ZBTB43: variants seen among roughly 807,000 people sequenced by gnomAD.
ZBTB43 encodes zinc finger and BTB domain containing 43, also known as zinc finger and BTB domain-containing protein 43.
In ZBTB43, 6 loss-of-function variants were observed where a neutral mutation model predicts 31.1. The ratio of observed to expected loss-of-function variants is 0.19; its 90% CI spans 0.11 to 0.38. The LOEUF (loss-of-function observed/expected upper bound fraction) is 0.38, where lower values mean the gene tolerates loss of function less well. Among genes scored for constraint, ZBTB43 ranks in the 10% least tolerant of loss-of-function variants. The pLI is 1.00. For synonymous variants in ZBTB43, 212 were observed against 221.7 expected (o/e 0.96, Z 0.39); for missense variants, 379 against 602.1 (o/e 0.63, Z 3.88).
chr9:126,810,636 G>A (rs2032226352), intron 2 of ZBTB43, among the ~76,000 whole-genome samples: 1 of 151,716 alleles, frequency 6.6e-6, no homozygotes, highest in Non-Finnish European at 1.5e-5. Flanking sequence ...AGGTAGCTGG[G>A]ACTACAGGCA....
At chr9:126,825,122 G>C (rs2032602511) in intron 2 of ZBTB43, among the ~76,000 whole-genome samples, 1 of 151,782 alleles carries the variant, frequency 6.6e-6, no homozygotes, top group South Asian at 2.1e-4. Context: ...TGTATTTTTG[G>C]TAGAGACAGG....
rs1554742722 is a variant in ZBTB43, at chr9:126,828,648, A to ATTATTATTATT, written c.-23-3839_-23-3838insTTATTATTATT. Among the ~76,000 whole-genome samples the ATTATTATTATT allele has an allele frequency of 7.5e-3, 1,001 of 133,636 alleles. 13 individuals carry two copies. Among genetic ancestry groups the ATTATTATTATT allele is most frequent in the African/African-American group, 0.028 (920 of 33,316 alleles). The allele number at this position is 133,636 out of a possible 152,430, so 87.7% of individuals were successfully genotyped here. The stretch of plus-strand genomic sequence containing the variant: ...ATCTCTAAATAATAATAATAATAAT[A>ATTATTATTATT]ATAATAATTATTATTATTATTATTA... On this transcript the variant is annotated intron_variant, in intron 2 of 2. Coordinates refer to ENST00000373464, the MANE Select transcript of ZBTB43 (RefSeq NM_014007.4).
rs1223997366 is a variant in ZBTB43, at chr9:126,836,110, T to A, written c.*2197T>A. 2.4e-5 allele frequency: 4 copies of A among 167,082 alleles called. No individual in the cohort carries two copies. The highest frequency in any genetic ancestry group is 7.2e-5 in the African/African-American group (3 of 41,428). The allele number at this position is 167,082 out of a possible 1,614,324, so 10.3% of individuals were successfully genotyped here. A position where few individuals can be genotyped will look rare whatever the true frequency, so the allele number is the denominator to read the frequency against. ...TTCTCATTGAAGACTATTTACATGA[T>A]CATTAGGACATTGCAGGAGAAGTCT... On this transcript the variant is annotated 3_prime_UTR_variant, in exon 3 of 3. Coordinates refer to ENST00000373464, the MANE Select transcript of ZBTB43 (RefSeq NM_014007.4).
intron 2 of ZBTB43, among the ~76,000 whole-genome samples, chr9:126,820,884 C>G (rs530361785): frequency 6.9e-6 from 1 of 145,320 alleles, no homozygotes; most frequent in African/African-American, 2.5e-5. Context: ...GGGAGGATCA[C>G]GTGAGCCAGA....
chr9:126,826,205 G>C (rs1376249437), intron 2 of ZBTB43, among the ~76,000 whole-genome samples: 1 of 151,396 alleles, frequency 6.6e-6, no homozygotes, highest in African/African-American at 2.4e-5. Flanking sequence ...GTAGAGATGG[G>C]GTTTCACCAT....
intron 2 of ZBTB43, among the ~76,000 whole-genome samples, chr9:126,810,509 T>TC (rs974133042): frequency 6.9e-6 from 1 of 145,396 alleles, no homozygotes; most frequent in African/African-American, 2.5e-5. Flanking sequence ...TTTTTTTTTT[T>TC]TTTTTTTTTT....
Position 126,832,629 on chromosome 9 carries a change from A to G in ZBTB43, c.120A>G (p.Gln40=). 6.2e-7 allele frequency: 1 copy of G among 1,614,172 alleles called. No individual in the cohort carries two copies. Among genetic ancestry groups the G allele is most frequent in the Non-Finnish European group, 8.5e-7 (1 of 1,180,038 alleles). Residue 40 remains glutamine, a synonymous_variant, in exon 3 of 3, where the codon CAA becomes CAG. Transcript: ENST00000373464. The stretch of plus-strand genomic sequence containing the variant: ...TATGTGACGTCTCCATTGTTGTCCA[A>G]GGCCACATTTTCCGGGCACACAAAG... ...GQLCDVSIVV[Q]GHIFRAHKAV...
chr9:126,821,962 A>G (rs2032520560), intron 2 of ZBTB43, among the ~76,000 whole-genome samples: 1 of 152,054 alleles, frequency 6.6e-6, no homozygotes, highest in South Asian at 2.1e-4. Context: ...TCCTGGGTTC[A>G]AGCAGTTCTC....
At chr9:126,830,774 G>A (rs1180240565) in intron 2 of ZBTB43, among the ~76,000 whole-genome samples, 2 of 151,856 alleles carry the variant, frequency 1.3e-5, no homozygotes, top group Admixed American at 6.6e-5. Flanking sequence ...GAATTTGGGG[G>A]AATTACAGAG....
chr9:126,807,183 A>T (rs571367052), intron 1 of ZBTB43, among the ~76,000 whole-genome samples: 4 of 152,206 alleles, frequency 2.6e-5, no homozygotes, highest in Non-Finnish European at 5.9e-5. Context: ...CTGTTATTTC[A>T]TGTACCACCA....
chr9:126,829,740 T>A (rs1331119876), intron 2 of ZBTB43, among the ~76,000 whole-genome samples: 2 of 152,078 alleles, frequency 1.3e-5, no homozygotes, highest in Non-Finnish European at 2.9e-5. Context: ...CATGTGCATG[T>A]GTTATATCCC....
chr9:126,832,498 AT>A lies in ZBTB43; in HGVS notation c.-9del. ...TCTTTCTCTTGTAGCACCGAACAAGATTTGTGATGAAATGGAGCCTGGAACA... is the reference window on the plus strand; with the variant it reads ...TCTTTCTCTTGTAGCACCGAACAAGATTGTGATGAAATGGAGCCTGGAACA... On this transcript the variant is annotated 5_prime_UTR_variant, in exon 3 of 3. The change abolishes the stop of an existing upstream ORF in the 5' untranslated region. Coordinates refer to ENST00000373464, the MANE Select transcript of ZBTB43 (RefSeq NM_014007.4). 6.3e-7 allele frequency: 1 copy of A among 1,595,820 alleles called. No individual in the cohort carries two copies. Among genetic ancestry groups the A allele is most frequent in the East Asian group, 2.2e-5 (1 of 44,464 alleles).
At chr9:126,832,347 G>A (rs1047466160) in intron 2 of ZBTB43, 140 bp from the exon 3 acceptor site, 2 of 754,616 alleles carry the variant, frequency 2.7e-6, no homozygotes, top group Non-Finnish European at 4.2e-6. Context: ...CTTTGCTCTA[G>A]GGATTGAATC....
Position 126,806,241 on chromosome 9 carries a change from G to A in ZBTB43, c.-147+1109G>A, listed in dbSNP as rs567394187. The stretch of plus-strand genomic sequence containing the variant: ...AAAGGATCAGACTGAGGTCTTTGGG[G>A]CTACTGGAACAGTAGCAGGGTTTCT... On this transcript the variant is annotated intron_variant, in intron 1 of 2. Coordinates refer to ENST00000373464, the MANE Select transcript of ZBTB43 (RefSeq NM_014007.4). 3.3e-5 allele frequency among the ~76,000 whole-genome samples: 5 copies of A among 152,326 alleles called. No homozygotes were observed. The East Asian group carries it at 9.6e-4, about 29-fold the overall frequency.
intron 2 of ZBTB43, 36 bp from the exon 3 acceptor site, chr9:126,832,451 G>C: frequency 6.5e-7 from 1 of 1,534,032 alleles, no homozygotes; most frequent in Non-Finnish European, 8.8e-7. Context: ...TTTATCTTTG[G>C]GCTGGAATTT....
At chr9:126,821,673 G>A (rs1221656264) in intron 2 of ZBTB43, among the ~76,000 whole-genome samples, 1 of 152,182 alleles carries the variant, frequency 6.6e-6, no homozygotes, top group Non-Finnish European at 1.5e-5. Context: ...TGCTTCTTAG[G>A]GATGAGCAAA....
chr9:126,822,972 C>T (rs994773992), intron 2 of ZBTB43, among the ~76,000 whole-genome samples: 7 of 151,892 alleles, frequency 4.6e-5, no homozygotes, highest in Admixed American at 2.6e-4. Flanking sequence ...TAATAGACTA[C>T]AGTATGGTGT....
intron 2 of ZBTB43, among the ~76,000 whole-genome samples, chr9:126,822,396 A>G (rs956810030): frequency 1.3e-5 from 2 of 152,170 alleles, no homozygotes; most frequent in African/African-American, 2.4e-5. Flanking sequence ...CTACAGAGAA[A>G]TCTTTTGTGA....
rs2032090337 is a variant in ZBTB43 at position 126,805,043 on chromosome 9, T to C, written c.-236T>C. On this transcript the variant is annotated 5_prime_UTR_variant, in exon 1 of 3. Coordinates refer to ENST00000373464, the MANE Select transcript of ZBTB43 (RefSeq NM_014007.4). ...CCGGGGGCTGAAGGCACAGGCTGAATCTGTTGCGGCAGCTGAGGCTACAAC... is the reference window on the plus strand; with the variant it reads ...CCGGGGGCTGAAGGCACAGGCTGAACCTGTTGCGGCAGCTGAGGCTACAAC... 6.6e-6 allele frequency: 1 copy of C among 152,398 alleles called. No individual in the cohort carries two copies. Among genetic ancestry groups the C allele is most frequent in the African/African-American group, 2.4e-5 (1 of 41,474 alleles). 9.4% of individuals were successfully genotyped at this position (152,398 alleles called of 1,614,324 possible).
Sources: gnomAD v4.1 joint callset for allele counts (sites outside exome capture counted in the v4.1 genomes callset) on GRCh38, gnomAD v4.1.1 for gene constraint, MANE v1.5 for transcripts, NCBI Gene and HGNC (gene_info 2026-07-23, HGNC 2026-07-21) for gene names.